NAALADL2: variants seen among roughly 807,000 people sequenced by gnomAD.
The protein encoded by NAALADL2 is inactive N-acetylated-alpha-linked acidic dipeptidase-like protein 2.
NAALADL2 carries 76 observed loss-of-function variants against 87.2 expected under a neutral mutation model. The observed-to-expected ratio is 0.87, with a 90% CI of 0.72 to 1.05. NAALADL2 has a LOEUF of 1.05. NAALADL2 is among the 50% of genes least tolerant of loss of function. NAALADL2 has a pLI of 0.00. For missense variants in NAALADL2, 1,089 were observed against 945.8 expected, an observed-to-expected ratio of 1.15 and a Z score of -1.99; for synonymous variants, 354 against 331.0, an observed-to-expected ratio of 1.07 and a Z score of -0.75.
chr3:175,248,914 T>C (rs1748505597), intron 3 of NAALADL2, among the ~76,000 whole-genome samples: 1 of 152,156 alleles, frequency 6.6e-6, no homozygotes. Context: ...AATATAGCTG[T>C]CTGACATAAG....
At chr3:174,866,991 C>G (rs1388635490) in intron 1 of NAALADL2, among the ~76,000 whole-genome samples, 1 of 151,454 alleles carries the variant, frequency 6.6e-6, no homozygotes, top group Non-Finnish European at 1.5e-5. Flanking sequence ...CTATAAAATA[C>G]TTACTAATTA....
chr3:174,725,421 T>C (rs1324588775), intron 2 of NAALADL2, among the ~76,000 whole-genome samples: 1 of 152,216 alleles, frequency 6.6e-6, no homozygotes, highest in Non-Finnish European at 1.5e-5. Context: ...ATAGGCTGTT[T>C]TTAGTGGGTC....
chr3:175,693,674 T>C (rs1737344637), intron 11 of NAALADL2, among the ~76,000 whole-genome samples: 1 of 152,036 alleles, frequency 6.6e-6, no homozygotes, highest in Admixed American at 6.6e-5. Context: ...CTCAGAAAAG[T>C]GACAGATTTA....
At chr3:174,628,901 A>G (rs1721850984) in intron 2 of NAALADL2, among the ~76,000 whole-genome samples, 1 of 152,182 alleles carries the variant, frequency 6.6e-6, no homozygotes, top group African/African-American at 2.4e-5. Flanking sequence ...TGACTCATTT[A>G]TTCTTTTCTT....
At position 175,364,038 on chromosome 3, in the gene NAALADL2, G is replaced by C. The variant is rs1482964019; in HGVS notation, c.1090+39713G>C. 2.0e-5 allele frequency among the ~76,000 whole-genome samples: 3 copies of C among 147,758 alleles called. 1 individual carries two copies. Among genetic ancestry groups the C allele is most frequent in the Non-Finnish European group, 4.5e-5 (3 of 66,392 alleles). On this transcript the variant is annotated intron_variant, in intron 5 of 13. Coordinates refer to ENST00000454872, the MANE Select transcript of NAALADL2 (RefSeq NM_207015.3). ...TGAAGCAGTTATAGTTGTGATTTCTGGTAGCTGTATTTCAGAGTAAAGTGG... is the reference window on the plus strand; with the variant it reads ...TGAAGCAGTTATAGTTGTGATTTCTCGTAGCTGTATTTCAGAGTAAAGTGG...
In NAALADL2 at chr3:174,882,773, A is replaced by G. The variant is rs112146528; in HGVS notation, c.43+23323A>G. ...CACACGTGTATATATACACACGTGT[A>G]TATATACATATGTGTATATATACAC... is the stretch of plus-strand genomic sequence containing the variant. On this transcript the variant is annotated intron_variant, in intron 1 of 13. Transcript: ENST00000454872. Among the ~76,000 whole-genome samples, 247 of 126,034 alleles carry G rather than the reference A, an allele frequency of 2.0e-3. 2 individuals are homozygous for G. The highest frequency in any genetic ancestry group is 2.9e-3 in the African/African-American group (96 of 32,720). 82.7% of individuals were successfully genotyped at this position (126,034 alleles called of 152,430 possible).
chr3:175,555,062 A>G (rs529779292), intron 9 of NAALADL2, among the ~76,000 whole-genome samples: 5 of 152,316 alleles, frequency 3.3e-5, no homozygotes, highest in African/African-American at 1.2e-4. Context: ...GATTGCAAGT[A>G]CTTTCCAAGT....
intron 10 of NAALADL2, among the ~76,000 whole-genome samples, chr3:175,582,013 C>T (rs906490908): frequency 2.0e-5 from 3 of 152,134 alleles, no homozygotes; most frequent in Non-Finnish European, 4.4e-5. Context: ...AACTGTGCTT[C>T]TACAAAGAAT....
intron 1 of NAALADL2, among the ~76,000 whole-genome samples, chr3:174,514,561 A>C (rs1310155897): frequency 6.6e-6 from 1 of 152,194 alleles, no homozygotes; most frequent in Non-Finnish European, 1.5e-5. Flanking sequence ...GTTATTAAGT[A>C]GTCTTTTCTA....
At chr3:175,351,799 G>T (rs1191362514) in intron 5 of NAALADL2, among the ~76,000 whole-genome samples, 1 of 152,034 alleles carries the variant, frequency 6.6e-6, no homozygotes, top group Non-Finnish European at 1.5e-5. Flanking sequence ...GGAAAATGGA[G>T]AGGAAATAAC....
chr3:175,635,707 T>A (rs971229226), intron 11 of NAALADL2, among the ~76,000 whole-genome samples: 6 of 148,804 alleles, frequency 4.0e-5, no homozygotes, highest in Non-Finnish European at 8.9e-5. Context: ...GAATTTCGAA[T>A]TTTGATGTTA....
chr3:175,046,379 C>G (rs1043746879), intron 1 of NAALADL2, among the ~76,000 whole-genome samples: 1 of 152,050 alleles, frequency 6.6e-6, no homozygotes, highest in African/African-American at 2.4e-5. Context: ...GGAACCAGTT[C>G]TATTTGTTTA....
chr3:174,710,073 C>T (rs1730469030), intron 2 of NAALADL2, among the ~76,000 whole-genome samples: 1 of 152,104 alleles, frequency 6.6e-6, no homozygotes, highest in Non-Finnish European at 1.5e-5. Context: ...TTCTGTGATT[C>T]TTAGTCCTCG....
At chr3:175,519,227 A>G (rs1489499424) in intron 9 of NAALADL2, among the ~76,000 whole-genome samples, 1 of 152,218 alleles carries the variant, frequency 6.6e-6, no homozygotes, top group Admixed American at 6.5e-5. Flanking sequence ...GAAAATTAGA[A>G]TGATATATTT....
intron 2 of NAALADL2, among the ~76,000 whole-genome samples, chr3:175,162,116 T>G (rs2108848896): frequency 6.6e-6 from 1 of 152,266 alleles, no homozygotes; most frequent in South Asian, 2.1e-4. Context: ...GGTCATAATC[T>G]TCAAACAGAT....
chr3:175,590,653 T>G (rs1560812316), intron 10 of NAALADL2, among the ~76,000 whole-genome samples: 1 of 152,064 alleles, frequency 6.6e-6, no homozygotes, highest in Non-Finnish European at 1.5e-5. Flanking sequence ...AAATAGAAAA[T>G]GCATGATGAC....
At chr3:175,421,302 G>C (rs1051373087) in intron 5 of NAALADL2, among the ~76,000 whole-genome samples, 2 of 151,976 alleles carry the variant, frequency 1.3e-5, no homozygotes, top group African/African-American at 4.8e-5. Context: ...CACAGCAGCA[G>C]TACCAGCAGC....
intron 2 of NAALADL2, among the ~76,000 whole-genome samples, chr3:175,183,721 A>C (rs1367006861): frequency 2.0e-5 from 3 of 152,052 alleles, no homozygotes; most frequent in African/African-American, 7.2e-5. Flanking sequence ...GTGCTGTAGA[A>C]TTCAGTTTGT....
intron 11 of NAALADL2, among the ~76,000 whole-genome samples, chr3:175,713,527 C>T (rs1374698679): frequency 1.3e-5 from 2 of 151,928 alleles, no homozygotes; most frequent in Non-Finnish European, 2.9e-5. Flanking sequence ...TAAAAGAATT[C>T]CATGCCTTCT....
Sources: allele counts gnomAD v4.1 joint callset (sites outside exome capture counted in the v4.1 genomes callset), GRCh38; gene constraint gnomAD v4.1.1; transcripts MANE v1.5; gene names NCBI Gene and HGNC (gene_info 2026-07-23, HGNC 2026-07-21).